The following SCNN1B variants were observed in gnomAD, a reference collection of about 807,000 sequenced individuals.
SCNN1B encodes epithelial sodium channel subunit beta.
Under a neutral mutation model 65.3 loss-of-function variants are expected in SCNN1B, and 46 were observed. The ratio of observed to expected loss-of-function variants is 0.70; its 90% CI spans 0.56 to 0.90. The LOEUF is 0.90. SCNN1B is among the 40% of genes least tolerant of loss of function. The pLI, the probability that SCNN1B is intolerant of heterozygous loss-of-function variation, is 0.00. For synonymous variants in SCNN1B, 349 were observed against 330.6 expected (o/e 1.06, Z -0.60); for missense variants, 751 against 830.5 (o/e 0.90, Z 1.18).
chr16:23,377,040 A>ACCT (rs1470029299), intron 8 of SCNN1B, 125 bp from the exon 9 acceptor site: 1 of 854,562 alleles, frequency 1.2e-6, no homozygotes, highest in Non-Finnish European at 1.9e-6. Flanking sequence ...TTTTCATGAC[A>ACCT]CCTCCTCCTG....
At chr16:23,354,567 G>A (rs1962378015) in intron 3 of SCNN1B, among the ~76,000 whole-genome samples, 1 of 152,240 alleles carries the variant, frequency 6.6e-6, no homozygotes, top group Non-Finnish European at 1.5e-5. Context: ...GGTGGGCTCA[G>A]TGTGACTGGG....
At chr16:23,372,409 A>T (rs545448720) in intron 7 of SCNN1B, among the ~76,000 whole-genome samples, 1 of 152,124 alleles carries the variant, frequency 6.6e-6, no homozygotes, top group South Asian at 2.1e-4. Flanking sequence ...TAAGATGTAG[A>T]TACTATTATC....
At position 23,352,828 on chromosome 16, in the gene SCNN1B, G is replaced by C. The variant is rs1254233992; in HGVS notation, c.339G>C (p.Lys113Asn). The change falls in exon 3 of 13, where the codon AAG becomes AAC. Residue 113 changes from lysine (K) to asparagine (N), a missense_variant. Transcript: ENST00000343070. ...ATTCCAAAATCAAGCATTTGCTGAA[G>C]GACCTGGATGAGCTGATGGAAGCTG... The part of the protein sequence containing the change: ...FKYSKIKHLL[K>N]DLDELMEAVL... 3 of 1,614,112 alleles carry C rather than the reference G, an allele frequency of 1.9e-6. No homozygotes were observed. The South Asian group carries it at 3.3e-5, about 18-fold the overall frequency.
intron 4 of SCNN1B, among the ~76,000 whole-genome samples, chr16:23,362,710 G>A (rs984381107): frequency 1.3e-5 from 2 of 152,192 alleles, no homozygotes; most frequent in East Asian, 1.9e-4. Context: ...AGCATGGCGC[G>A]GGCAGGAGGG....
chr16:23,357,652 G>C (rs1415285531), intron 4 of SCNN1B, among the ~76,000 whole-genome samples: 1 of 152,194 alleles, frequency 6.6e-6, no homozygotes, highest in Non-Finnish European at 1.5e-5. Flanking sequence ...ATAATTCAAG[G>C]CCACTAAGCA....
chr16:23,325,912 A>AATAG (rs1961686053), intron 1 of SCNN1B, among the ~76,000 whole-genome samples: 1 of 127,884 alleles, frequency 7.8e-6, no homozygotes, highest in African/African-American at 3.8e-5. Context: ...TAAATAAATA[A>AATAG]ATAAATAAAT....
chr16:23,380,362 G>C lies in SCNN1B; in HGVS notation c.1543-59G>C. 2 of 1,612,796 alleles carry C rather than the reference G, an allele frequency of 1.2e-6. No homozygotes were observed. The highest frequency in any genetic ancestry group is 1.7e-6 in the Non-Finnish European group (2 of 1,179,750). On this transcript the variant is annotated intron_variant, in intron 12 of 12. Coordinates refer to ENST00000343070, the MANE Select transcript of SCNN1B (RefSeq NM_000336.3). The surrounding 1 kb of genome is among the most constrained non-coding windows in gnomAD (Gnocchi z 5.4). ...GAATCACCTCCCAGGAAGCTGTGAG[G>C]CTGGGCTAGAGGCAAGAATGTGTGG...
chr16:23,319,820 T>C (rs1596832058), intron 1 of SCNN1B, among the ~76,000 whole-genome samples: 2 of 152,094 alleles, frequency 1.3e-5, no homozygotes, highest in African/African-American at 4.8e-5. Flanking sequence ...CAGGCTGGAG[T>C]GCAGTGGCGC....
chr16:23,373,985 C>T (rs250571), intron 7 of SCNN1B, among the ~76,000 whole-genome samples: 9,286 of 152,144 alleles, frequency 0.061, 338 homozygotes, highest in Middle Eastern at 0.11. Flanking sequence ...AGGCCCTGAT[C>T]GGGAGCTCTG....
At chr16:23,341,399 A>G (rs561038227) in intron 1 of SCNN1B, among the ~76,000 whole-genome samples, 101 of 152,200 alleles carry the variant, frequency 6.6e-4, no homozygotes, top group Non-Finnish European at 1.3e-3. Flanking sequence ...TGGATTAGGC[A>G]ATAGAGTCTT....
rs1422864155 is a variant in SCNN1B at position 23,363,612 on chromosome 16, AG to A, written c.777-4243del. Among the ~76,000 whole-genome samples the A allele has an allele frequency of 2.0e-5, 3 of 152,332 alleles. No homozygotes were observed. The East Asian group carries it at 5.8e-4, about 29-fold the overall frequency. On this transcript the variant is annotated intron_variant, in intron 4 of 12. Coordinates refer to ENST00000343070, the MANE Select transcript of SCNN1B (RefSeq NM_000336.3). ...AAGATCACTTGAGGCCAGGAGTTCA[AG>A]ACCAGCCTGGGCAACATAGCAAGAC... is the stretch of plus-strand genomic sequence containing the variant.
intron 2 of SCNN1B, among the ~76,000 whole-genome samples, chr16:23,286,359 G>A (rs1208978671): frequency 2.6e-5 from 4 of 152,226 alleles, no homozygotes; most frequent in South Asian, 2.1e-4. Flanking sequence ...GGGTTCCTGT[G>A]ATTCACAAGC....
intron 1 of SCNN1B, among the ~76,000 whole-genome samples, chr16:23,307,412 C>G (rs558218058): frequency 1.3e-5 from 2 of 149,806 alleles, no homozygotes; most frequent in African/African-American, 4.9e-5. Context: ...CTCCACTTCC[C>G]GGGTTCAAGT....
Position 23,321,694 on chromosome 16 carries a change from G to T in SCNN1B, c.-9+19257G>T, listed in dbSNP as rs141457674. On this transcript the variant is annotated intron_variant, in intron 1 of 12. Coordinates refer to ENST00000343070, the MANE Select transcript of SCNN1B (RefSeq NM_000336.3). ...GCCATGACAGTTCCTGGCACGTTAG[G>T]TACTCCGCGGACGGTGGCTGCTATC... Among the ~76,000 whole-genome samples the T allele has an allele frequency of 7.1e-4, 108 of 152,254 alleles. 1 individual carries two copies. The highest frequency in any genetic ancestry group is 1.0e-3 in the Non-Finnish European group (69 of 68,032).
upstream of SCNN1B, among the ~76,000 whole-genome samples, chr16:23,300,798 C>T (rs1961064777): frequency 6.6e-6 from 1 of 152,040 alleles, no homozygotes; most frequent in Non-Finnish European, 1.5e-5. Context: ...GCGCTCTAGC[C>T]TGGGCAACAA....
At chr16:23,299,885 T>C (rs1328031719), upstream of SCNN1B, among the ~76,000 whole-genome samples, 1 of 152,202 alleles carries the variant, frequency 6.6e-6, no homozygotes, top group African/African-American at 2.4e-5. Context: ...TAAAGACACA[T>C]GCACATGTAT....
rs543217913 is a variant in SCNN1B at position 23,358,702 on chromosome 16, T to A, written c.776+3213T>A. ...CTGGCAGATCGCTTGAGACCAGGGGTTCGAGACCAGCCTGGACAACAAGGC... is the reference window on the plus strand; with the variant it reads ...CTGGCAGATCGCTTGAGACCAGGGGATCGAGACCAGCCTGGACAACAAGGC... On this transcript the variant is annotated intron_variant, in intron 4 of 12. Transcript: ENST00000343070. 6.6e-4 allele frequency among the ~76,000 whole-genome samples: 101 copies of A among 152,144 alleles called. 1 individual carries two copies. Among genetic ancestry groups the A allele is most frequent in the African/African-American group, 2.4e-3 (100 of 41,506 alleles).
chr16:23,329,274 G>T lies in SCNN1B; in HGVS notation c.-8-19318G>T, dbSNP rs927846016. 1.7e-4 allele frequency among the ~76,000 whole-genome samples: 26 copies of T among 151,534 alleles called. 1 individual carries two copies. Among genetic ancestry groups the T allele is most frequent in the Non-Finnish European group, 1.5e-5 (1 of 67,948 alleles). On this transcript the variant is annotated intron_variant, in intron 1 of 12. Transcript: ENST00000343070. ...CTATAGGTGTGTGCCACCAAACATG[G>T]CTAATTTTTGTATTTTTTTGTTTCA... is the stretch of plus-strand genomic sequence containing the variant.
rs149095525 is a variant in SCNN1B, at chr16:23,352,594, G to A, written c.312-207G>A. On this transcript the variant is annotated intron_variant, in intron 2 of 12. Coordinates refer to ENST00000343070, the MANE Select transcript of SCNN1B (RefSeq NM_000336.3). The stretch of plus-strand genomic sequence containing the variant: ...TGCCTTGCTTCCCCCTTCACCTTCC[G>A]CCATGATTGTAAGTTTCCTGAGACC... 7.6e-3 allele frequency among the ~76,000 whole-genome samples: 1,149 copies of A among 152,082 alleles called. 9 individuals carry two copies. Among genetic ancestry groups the A allele is most frequent in the African/African-American group, 0.025 (1,017 of 41,462 alleles).
Sources: allele counts gnomAD v4.1 joint callset (sites outside exome capture counted in the v4.1 genomes callset), GRCh38; gene constraint gnomAD v4.1.1; non-coding constraint Gnocchi (gnomAD v3.1); transcripts MANE v1.5; gene names NCBI Gene and HGNC (gene_info 2026-07-23, HGNC 2026-07-21).